PTPRD: variants seen among roughly 807,000 people sequenced by gnomAD.
PTPRD encodes the protein protein tyrosine phosphatase receptor type D, also known as receptor-type tyrosine-protein phosphatase delta.
A neutral mutation model predicts 214.5 loss-of-function variants in PTPRD; 34 were observed. That is an observed-to-expected ratio of 0.16 (90% CI 0.12 to 0.21). The LOEUF (loss-of-function observed/expected upper bound fraction) is 0.21. Ranked by LOEUF, PTPRD falls within the 10% of genes least tolerant of loss-of-function variation. The pLI, the probability that PTPRD is intolerant of heterozygous loss-of-function variation, is 1.00. For missense variants in PTPRD, 2,545 were observed against 2,398.7 expected, an observed-to-expected ratio of 1.06 and a Z score of -1.27; for synonymous variants, 1,128 against 845.7, an observed-to-expected ratio of 1.33 and a Z score of -5.79.
At chr9:8,804,548 G>T (rs2096636698) in intron 11 of PTPRD, among the ~76,000 whole-genome samples, 2 of 152,038 alleles carry the variant, frequency 1.3e-5, no homozygotes, top group Non-Finnish European at 2.9e-5. Context: ...AGCAAGCTGT[G>T]ATCACGCCAA....
chr9:8,586,779 A>C (rs1344198976), intron 14 of PTPRD, among the ~76,000 whole-genome samples: 1 of 152,318 alleles, frequency 6.6e-6, no homozygotes, highest in East Asian at 1.9e-4. Flanking sequence ...TTATATTAAT[A>C]CTAGATTTTA....
At chr9:9,512,420 G>T (rs7027217) in intron 8 of PTPRD, among the ~76,000 whole-genome samples, 2 of 151,624 alleles carry the variant, frequency 1.3e-5, no homozygotes, top group African/African-American at 4.8e-5. Flanking sequence ...AAGGTAGAAG[G>T]GTTATCTTCA....
At chr9:9,726,462 C>T (rs1435596421) in intron 7 of PTPRD, among the ~76,000 whole-genome samples, 3 of 98,556 alleles carry the variant, frequency 3.0e-5, no homozygotes, top group African/African-American at 1.9e-4. Flanking sequence ...TAAAGCCTGC[C>T]TAACAGCCCT....
chr9:8,620,408 T>C (rs1179619743), intron 14 of PTPRD, among the ~76,000 whole-genome samples: 1 of 152,048 alleles, frequency 6.6e-6, no homozygotes, highest in Non-Finnish European at 1.5e-5. Flanking sequence ...TTTGTTGAAT[T>C]TTAGTAAATA....
chr9:9,876,206 C>T (rs930010613), intron 5 of PTPRD, among the ~76,000 whole-genome samples: 1 of 151,986 alleles, frequency 6.6e-6, no homozygotes, highest in African/African-American at 2.4e-5. Flanking sequence ...TTCACATTTG[C>T]TATAAAAATT....
intron 11 of PTPRD, among the ~76,000 whole-genome samples, chr9:8,872,413 A>AT (rs951602706): frequency 6.6e-6 from 1 of 152,204 alleles, no homozygotes; most frequent in Admixed American, 6.6e-5. Flanking sequence ...ATGATTGAGT[A>AT]TTTTTTTGTT....
rs1321884709 is a variant in PTPRD at position 9,609,752 on chromosome 9, C to T, written c.-286-34971G>A. On this transcript the variant is annotated intron_variant, in intron 7 of 45. Coordinates refer to ENST00000381196, the MANE Select transcript of PTPRD (RefSeq NM_002839.4). ...CGCTGGGATCACAGGTGTGAGACAC[C>T]GCACCTGGCACAATGTGAACTTTCA... 2.6e-5 allele frequency among the ~76,000 whole-genome samples: 4 copies of T among 152,250 alleles called. No individual in the cohort carries two copies. In the East Asian group the frequency reaches 7.7e-4, roughly 29 times the overall value.
intron 14 of PTPRD, among the ~76,000 whole-genome samples, chr9:8,591,409 T>G (rs1026474644): frequency 2.6e-5 from 4 of 152,338 alleles, no homozygotes; most frequent in African/African-American, 7.2e-5. Flanking sequence ...GACACTCTTC[T>G]GTTGGGAGAG....
intron 7 of PTPRD, among the ~76,000 whole-genome samples, chr9:9,725,428 G>T (rs1025690537): frequency 6.6e-6 from 1 of 151,704 alleles, no homozygotes; most frequent in Non-Finnish European, 1.5e-5. Flanking sequence ...TCCATTAAAC[G>T]TCTTTTTCTT....
intron 9 of PTPRD, among the ~76,000 whole-genome samples, chr9:9,331,592 G>C (rs942112192): frequency 3.9e-5 from 6 of 151,988 alleles, no homozygotes; most frequent in Admixed American, 6.6e-5. Flanking sequence ...TATAAAAGGG[G>C]TATGTTTTAC....
intron 14 of PTPRD, among the ~76,000 whole-genome samples, chr9:8,625,261 G>C (rs745453027): frequency 6.6e-6 from 1 of 151,728 alleles, no homozygotes; most frequent in East Asian, 1.9e-4. Context: ...TCAAGTTTTT[G>C]TATAAATATT....
At chr9:10,434,833 T>C (rs140018736) in intron 2 of PTPRD, among the ~76,000 whole-genome samples, 278 of 152,028 alleles carry the variant, frequency 1.8e-3, no homozygotes, top group African/African-American at 6.4e-3. Flanking sequence ...CTGCCACTTT[T>C]ATGAATCTTA....
chr9:9,277,526 T>C (rs1946127728), intron 9 of PTPRD, among the ~76,000 whole-genome samples: 1 of 151,386 alleles, frequency 6.6e-6, no homozygotes, highest in South Asian at 2.1e-4. Flanking sequence ...TTAATTTTTA[T>C]ATATGATTAT....
At chr9:9,446,441 A>G (rs906217603) in intron 8 of PTPRD, among the ~76,000 whole-genome samples, 23 of 152,184 alleles carry the variant, frequency 1.5e-4, no homozygotes, top group African/African-American at 5.1e-4. Flanking sequence ...TCTTGTATCC[A>G]AACTGCTTCA....
chr9:9,229,168 G>C (rs955364205), intron 9 of PTPRD, among the ~76,000 whole-genome samples: 4 of 151,926 alleles, frequency 2.6e-5, no homozygotes, highest in Non-Finnish European at 5.9e-5. Context: ...TCTAAATATA[G>C]ACATTTTAAA....
chr9:9,171,877 A>G (rs1403677030), intron 10 of PTPRD, among the ~76,000 whole-genome samples: 1 of 152,164 alleles, frequency 6.6e-6, no homozygotes, highest in Non-Finnish European at 1.5e-5. Context: ...GATCTGCAGC[A>G]AAAATAAGGT....
At chr9:8,565,731 T>A (rs1242022518) in intron 14 of PTPRD, among the ~76,000 whole-genome samples, 1 of 152,340 alleles carries the variant, frequency 6.6e-6, no homozygotes, top group East Asian at 1.9e-4. Flanking sequence ...CTAAAGATCC[T>A]AAAATATTTC....
chr9:8,689,960 T>G (rs984226335), intron 12 of PTPRD, among the ~76,000 whole-genome samples: 12 of 151,920 alleles, frequency 7.9e-5, no homozygotes, highest in Non-Finnish European at 1.2e-4. Flanking sequence ...AATAAAAAAT[T>G]AGCTGGGCAC....
chr9:9,256,546 C>G (rs909827911), intron 9 of PTPRD, among the ~76,000 whole-genome samples: 13 of 152,022 alleles, frequency 8.6e-5, no homozygotes, highest in African/African-American at 2.6e-4. Context: ...CAGGAGGACC[C>G]TTTAAAGTGA....
Sources: allele counts gnomAD v4.1 joint callset (sites outside exome capture counted in the v4.1 genomes callset), GRCh38; gene constraint gnomAD v4.1.1; transcripts MANE v1.5; gene names NCBI Gene and HGNC (gene_info 2026-07-23, HGNC 2026-07-21).